Variants in FOXJ3 observed in about 807,000 individuals in gnomAD.
FOXJ3 encodes the protein forkhead box protein J3.
In FOXJ3, 22 loss-of-function variants were observed where a neutral mutation model predicts 76.1. The observed-to-expected ratio is 0.29, with a 90% confidence interval of 0.21 to 0.41. The LOEUF (loss-of-function observed/expected upper bound fraction) is 0.41, where lower values mean the gene tolerates loss of function less well. Ranked by LOEUF, FOXJ3 falls within the 10% of genes least tolerant of loss-of-function variation. The probability of loss-of-function intolerance (pLI) is 1.00; values close to 1 mark genes in which losing one functional copy is unlikely to be tolerated. For missense variants in FOXJ3, 613 were observed against 762.1 expected, an observed-to-expected ratio of 0.80 and a Z score of 2.30; for synonymous variants, 269 against 261.2, an observed-to-expected ratio of 1.03 and a Z score of -0.29.
Position 42,177,028 on chromosome 1 carries a change from A to G in FOXJ3, c.*2682T>C, listed in dbSNP as rs901779250. 4.6e-5 allele frequency: 7 copies of G among 152,656 alleles called. No individual in the cohort carries two copies. Among genetic ancestry groups the G allele is most frequent in the African/African-American group, 1.4e-4 (6 of 41,456 alleles). The allele number at this position is 152,656 out of a possible 1,614,324, so 9.5% of individuals were successfully genotyped here. ...CCCCATTTGTTTACATGCATTTACT[A>G]TTCTTTCCCCCTAAAGTCTTCAGTC... On this transcript the variant is annotated 3_prime_UTR_variant, in exon 13 of 13. Transcript: ENST00000361346.
chr1:42,179,442 C>T lies in FOXJ3; in HGVS notation c.*268G>A, dbSNP rs1156634686. On this transcript the variant is annotated 3_prime_UTR_variant, in exon 13 of 13. Transcript: ENST00000361346. The stretch of plus-strand genomic sequence containing the variant: ...GCACTTGTGGTTAACATCAAACTGA[C>T]ACAAATATGCAAAAAGCCGTCCAAA... 23 of 230,990 alleles carry T rather than the reference C, an allele frequency of 1.0e-4. No homozygotes were observed. The highest frequency in any genetic ancestry group is 1.3e-4 in the Non-Finnish European group (16 of 118,602). The allele number at this position is 230,990 out of a possible 1,614,324, so 14.3% of individuals were successfully genotyped here.
chr1:42,332,754 C>A (rs1656235666), intron 1 of FOXJ3, among the ~76,000 whole-genome samples: 1 of 152,176 alleles, frequency 6.6e-6, no homozygotes, highest in Admixed American at 6.5e-5. Context: ...GACAGTCAAG[C>A]TCCTTGATAT....
At chr1:42,274,399 A>C (rs1012037228) in intron 3 of FOXJ3, among the ~76,000 whole-genome samples, 1 of 152,216 alleles carries the variant, frequency 6.6e-6, no homozygotes, top group African/African-American at 2.4e-5. Context: ...TTATCCTGGA[A>C]AATTAAATTT....
chr1:42,272,900 C>G (rs1651965189), intron 3 of FOXJ3, among the ~76,000 whole-genome samples: 1 of 152,170 alleles, frequency 6.6e-6, no homozygotes, highest in Admixed American at 6.5e-5. Flanking sequence ...CCACTATAAC[C>G]AAGTGCTTCC....
intron 6 of FOXJ3, among the ~76,000 whole-genome samples, chr1:42,201,730 A>C (rs748602963): frequency 6.6e-6 from 1 of 152,216 alleles, no homozygotes; most frequent in Non-Finnish European, 1.5e-5. Context: ...TGATGGTTTC[A>C]TAATATAAAT....
intron 1 of FOXJ3, among the ~76,000 whole-genome samples, chr1:42,328,629 T>C (rs1226243568): frequency 1.3e-5 from 2 of 152,070 alleles, no homozygotes; most frequent in Non-Finnish European, 2.9e-5. Context: ...AGAGCTCTTA[T>C]TTAATATGGT....
At chr1:42,204,700 C>T (rs1257851316) in intron 6 of FOXJ3, among the ~76,000 whole-genome samples, 1 of 151,776 alleles carries the variant, frequency 6.6e-6, no homozygotes, top group East Asian at 1.9e-4. Context: ...CCACTACCAC[C>T]ACCCCCCACC....
intron 2 of FOXJ3, among the ~76,000 whole-genome samples, chr1:42,310,065 T>C (rs1029449058): frequency 6.6e-5 from 10 of 152,164 alleles, no homozygotes; most frequent in African/African-American, 2.4e-4. Flanking sequence ...TTAAAATCAG[T>C]ATCTTCAGTC....
chr1:42,223,750 G>A (rs761145321), intron 5 of FOXJ3, among the ~76,000 whole-genome samples: 1 of 152,160 alleles, frequency 6.6e-6, no homozygotes, highest in Non-Finnish European at 1.5e-5. Flanking sequence ...TTAATGGAGG[G>A]AATTCTGCTT....
chr1:42,330,119 A>G lies in FOXJ3; in HGVS notation c.-18+4940T>C, dbSNP rs141432909. The stretch of plus-strand genomic sequence containing the variant: ...TATAAAACCTACTTATAAAATTTAT[A>G]AAATATTAAGGGTTGTAAGATATGG... On this transcript the variant is annotated intron_variant, in intron 1 of 12. Transcript: ENST00000361346. Among the ~76,000 whole-genome samples, 1,500 of 152,304 alleles carry G rather than the reference A, an allele frequency of 9.8e-3. 33 individuals are homozygous for G. The highest frequency in any genetic ancestry group is 0.035 in the African/African-American group (1,441 of 41,562).
intron 2 of FOXJ3, among the ~76,000 whole-genome samples, chr1:42,285,528 A>G (rs546659615): frequency 6.6e-6 from 1 of 152,308 alleles, no homozygotes; most frequent in East Asian, 1.9e-4. Context: ...GAAAGAGTCT[A>G]AACTGCAAAA....
chr1:42,222,497 T>C (rs1352733568), intron 5 of FOXJ3, among the ~76,000 whole-genome samples: 1 of 152,186 alleles, frequency 6.6e-6, no homozygotes, highest in African/African-American at 2.4e-5. Flanking sequence ...CTTCCCTGCT[T>C]GAGTGAGGAG....
intron 1 of FOXJ3, among the ~76,000 whole-genome samples, chr1:42,313,939 A>G (rs1654958651): frequency 3.9e-5 from 6 of 152,206 alleles, no homozygotes; most frequent in Admixed American, 3.3e-4. Flanking sequence ...CCTAATCTCC[A>G]AACAAATATC....
At chr1:42,311,198 A>G (rs1349918399) in intron 1 of FOXJ3, 88 bp from the exon 2 acceptor site, 1 of 825,530 alleles carries the variant, frequency 1.2e-6, no homozygotes, top group East Asian at 2.7e-5. Context: ...AAACACTCTG[A>G]AAACAGAAGT....
At chr1:42,249,378 A>G (rs1244150601) in intron 4 of FOXJ3, among the ~76,000 whole-genome samples, 3 of 152,222 alleles carry the variant, frequency 2.0e-5, no homozygotes, top group Non-Finnish European at 4.4e-5. Context: ...AGTCATTAAG[A>G]GAAAAATCAA....
chr1:42,203,670 T>TA (rs1411830086), intron 6 of FOXJ3, among the ~76,000 whole-genome samples: 4 of 152,116 alleles, frequency 2.6e-5, no homozygotes, highest in Admixed American at 2.6e-4. Flanking sequence ...AATTAGGAGT[T>TA]AGCAAATGCC....
intron 2 of FOXJ3, among the ~76,000 whole-genome samples, chr1:42,289,677 C>G (rs951758057): frequency 6.6e-6 from 1 of 152,066 alleles, no homozygotes; most frequent in Non-Finnish European, 1.5e-5. Context: ...TCTGAATTAC[C>G]TATAAGTCTT....
chr1:42,205,228 T>C (rs930419372), intron 6 of FOXJ3, among the ~76,000 whole-genome samples: 4 of 152,222 alleles, frequency 2.6e-5, no homozygotes, highest in African/African-American at 7.2e-5. Flanking sequence ...CCACTAGGTA[T>C]ATAATGACCC....
chr1:42,278,541 A>T lies in FOXJ3; in HGVS notation c.176T>A (p.Leu59His). 1.9e-6 allele frequency: 3 copies of T among 1,614,134 alleles called. No individual in the cohort carries two copies. Among genetic ancestry groups the T allele is most frequent in the Non-Finnish European group, 2.5e-6 (3 of 1,180,016 alleles). Reference sequence around the variant, plus strand: ...GTCCAGAGTTGTATTTGGGTCAAGGAGTGCATTCTTCTTAGAAATTCCTGT... The same window carrying T: ...GTCCAGAGTTGTATTTGGGTCAAGGTGTGCATTCTTCTTAGAAATTCCTGT... ...HGTGISKKNA[L>H]LDPNTTLDQE... Residue 59 changes from leucine to histidine, a missense_variant, in exon 3 of 13, where the codon CTC (leucine) becomes CAC (histidine). Around this residue, in one of 3 missense-constraint regions of FOXJ3, gnomAD observed 77 missense variants for 115.1 expected, o/e 0.67. Transcript: ENST00000361346.
Sources: allele counts gnomAD v4.1 joint callset (sites outside exome capture counted in the v4.1 genomes callset), GRCh38; gene constraint gnomAD v4.1.1; regional missense constraint gnomAD v4.1.1; transcripts MANE v1.5; gene names NCBI Gene and HGNC (gene_info 2026-07-23, HGNC 2026-07-21).